CCDC126: variants seen among roughly 807,000 people sequenced by gnomAD.
The protein encoded by CCDC126 is coiled-coil domain-containing protein 126.
A neutral mutation model predicts 11.7 loss-of-function variants in CCDC126; 5 were observed. The ratio of observed to expected loss-of-function variants is 0.43; its 90% CI spans 0.22 to 0.90. The LOEUF (loss-of-function observed/expected upper bound fraction) is 0.90. CCDC126 is among the 40% of genes least tolerant of loss of function. The pLI is 0.27. For synonymous variants in CCDC126, 60 were observed against 61.9 expected, an observed-to-expected ratio of 0.97 and a Z score of 0.14; for missense variants, 150 against 163.1, an observed-to-expected ratio of 0.92 and a Z score of 0.44.
At chr7:23,616,955 A>G (rs1049857918) in intron 3 of CCDC126, among the ~76,000 whole-genome samples, 3 of 151,426 alleles carry the variant, frequency 2.0e-5, no homozygotes, top group African/African-American at 2.4e-5. Flanking sequence ...TTTATTTTCC[A>G]TTTCTGTCTT....
intron 3 of CCDC126, among the ~76,000 whole-genome samples, chr7:23,630,423 G>A (rs1036753964): frequency 3.9e-5 from 6 of 152,026 alleles, no homozygotes; most frequent in Middle Eastern, 3.4e-3. Flanking sequence ...TGCTTGAACC[G>A]GGAGACAGAG....
rs1783072741 is a variant in CCDC126 at position 23,629,613 on chromosome 7, T to G, written c.239-13318T>G. ...CCTTCAAAAAAAAAAATAGAAAGTC[T>G]CAGGAGAAAAATAGATCATATGAAC... is the stretch of plus-strand genomic sequence containing the variant. On this transcript the variant is annotated intron_variant, in intron 3 of 3. Transcript: ENST00000307471. 4.0e-5 allele frequency among the ~76,000 whole-genome samples: 6 copies of G among 151,124 alleles called. No individual in the cohort carries two copies. The South Asian group carries it at 1.3e-3, about 32-fold the overall frequency.
intron 2 of CCDC126, among the ~76,000 whole-genome samples, chr7:23,606,912 G>C (rs1002192582): frequency 6.6e-6 from 1 of 151,796 alleles, no homozygotes; most frequent in African/African-American, 2.4e-5. Flanking sequence ...ACTGGGCAAC[G>C]TAATGAGACC....
At chr7:23,637,855 C>G (rs1295497418) in intron 3 of CCDC126, among the ~76,000 whole-genome samples, 2 of 118,424 alleles carry the variant, frequency 1.7e-5, no homozygotes, top group African/African-American at 5.9e-5. Context: ...GTCAGCCCCC[C>G]GCCCGGCCGG....
chr7:23,627,348 C>CT (rs1445894801), intron 3 of CCDC126, among the ~76,000 whole-genome samples: 1 of 150,836 alleles, frequency 6.6e-6, no homozygotes, highest in East Asian at 2.0e-4. Flanking sequence ...GACCCTGGCT[C>CT]TAAAAAAAAA....
chr7:23,608,842 C>T (rs1422657703), intron 2 of CCDC126, among the ~76,000 whole-genome samples: 1 of 152,190 alleles, frequency 6.6e-6, no homozygotes, highest in African/African-American at 2.4e-5. Context: ...TACTCAAACC[C>T]ATCTTACTGA....
At chr7:23,626,045 T>G (rs1001839200) in intron 3 of CCDC126, among the ~76,000 whole-genome samples, 1 of 106,024 alleles carries the variant, frequency 9.4e-6, no homozygotes, top group Non-Finnish European at 2.5e-5. Context: ...CTGGGTGTGC[T>G]GTTTTAAAAT....
Position 23,611,295 on chromosome 7 carries a change from T to C in CCDC126, c.-21T>C, listed in dbSNP as rs770050465. 1 of 1,486,670 alleles carries C rather than the reference T, an allele frequency of 6.7e-7. No individual in the cohort carries two copies. Among genetic ancestry groups the C allele is most frequent in the East Asian group, 2.3e-5 (1 of 44,148 alleles). 92.1% of individuals were successfully genotyped at this position (1,486,670 alleles called of 1,614,324 possible). On this transcript the variant is annotated 5_prime_UTR_variant, in exon 3 of 4. Coordinates refer to ENST00000307471, the MANE Select transcript of CCDC126 (RefSeq NM_138771.4). ...CAAGTTACCATTTTTCAGTCAAGTC[T>C]GTTTGTTTGCTTCTTCAGAAATGTT...
rs538480477 is a variant in CCDC126, at chr7:23,627,191, C to T, written c.238+15638C>T. On this transcript the variant is annotated intron_variant, in intron 3 of 3. Coordinates refer to ENST00000307471, the MANE Select transcript of CCDC126 (RefSeq NM_138771.4). Reference sequence around the variant, plus strand: ...TTCTTTTAAGGGTTTTGGCTTTCCTCTTTATCAGTGTAGCTGAACACTTTA... The same window carrying T: ...TTCTTTTAAGGGTTTTGGCTTTCCTTTTTATCAGTGTAGCTGAACACTTTA... Among the ~76,000 whole-genome samples, 38 of 152,286 alleles carry T rather than the reference C, an allele frequency of 2.5e-4. No individual in the cohort carries two copies. In the South Asian group the frequency reaches 3.3e-3, roughly 13 times the overall value.
intron 3 of CCDC126, among the ~76,000 whole-genome samples, chr7:23,620,877 T>A (rs1229225014): frequency 6.6e-6 from 1 of 152,222 alleles, no homozygotes; most frequent in Admixed American, 6.6e-5. Context: ...TTGTCAAAGA[T>A]CAGGTAGTTG....
At chr7:23,614,966 G>A (rs1303491870) in intron 3 of CCDC126, among the ~76,000 whole-genome samples, 8 of 152,140 alleles carry the variant, frequency 5.3e-5, no homozygotes, top group African/African-American at 1.7e-4. Context: ...TGATAAATGA[G>A]CATTGGTTTC....
At chr7:23,619,493 G>C in intron 3 of CCDC126, 2 of 370,958 alleles carry the variant, frequency 5.4e-6, no homozygotes, top group South Asian at 2.6e-5. Flanking sequence ...CACCCTTCCT[G>C]CCTATTTTTC....
At chr7:23,607,215 A>G (rs1399997496) in intron 2 of CCDC126, among the ~76,000 whole-genome samples, 1 of 152,230 alleles carries the variant, frequency 6.6e-6, no homozygotes, top group Non-Finnish European at 1.5e-5. Context: ...TTAAGATTTA[A>G]AAGTTTTTAG....
chr7:23,639,439 A>C (rs1014098878), intron 3 of CCDC126, among the ~76,000 whole-genome samples: 1 of 152,144 alleles, frequency 6.6e-6, no homozygotes, highest in African/African-American at 2.4e-5. Flanking sequence ...CCTGACCTCA[A>C]GTGATCCATC....
chr7:23,642,003 C>G (rs1426565574), intron 3 of CCDC126, among the ~76,000 whole-genome samples: 1 of 152,036 alleles, frequency 6.6e-6, no homozygotes, highest in Non-Finnish European at 1.5e-5. Context: ...CCAGCTTAGT[C>G]TGTGTTTTTT....
intron 3 of CCDC126, among the ~76,000 whole-genome samples, chr7:23,631,750 G>T (rs150745240): frequency 2.6e-4 from 39 of 151,112 alleles, no homozygotes; most frequent in Middle Eastern, 3.4e-3. Flanking sequence ...GACAGAGGGA[G>T]ACCCTGTCTC....
chr7:23,605,439 GT>G, intron 2 of CCDC126, among the ~76,000 whole-genome samples: 1 of 96,848 alleles, frequency 1.0e-5, no homozygotes, highest in South Asian at 3.6e-4. Context: ...GTGTGTGTGT[GT>G]GTGGTAAAAA....
At chr7:23,640,485 G>A (rs1783335471) in intron 3 of CCDC126, among the ~76,000 whole-genome samples, 1 of 151,794 alleles carries the variant, frequency 6.6e-6, no homozygotes, top group African/African-American at 2.4e-5. Context: ...CAGCAAGAGT[G>A]AAACTCTGTC....
intron 3 of CCDC126, among the ~76,000 whole-genome samples, chr7:23,612,165 A>T (rs868795292): frequency 6.7e-6 from 1 of 149,596 alleles, no homozygotes; most frequent in African/African-American, 2.5e-5. Flanking sequence ...AAAAAAAAAA[A>T]TGTATCTTGG....
Sources: allele counts gnomAD v4.1 joint callset (sites outside exome capture counted in the v4.1 genomes callset), GRCh38; gene constraint gnomAD v4.1.1; transcripts MANE v1.5; gene names NCBI Gene and HGNC (gene_info 2026-07-23, HGNC 2026-07-21).